CSMD1: variants seen among roughly 807,000 people sequenced by gnomAD.
The protein encoded by CSMD1 is CUB and Sushi multiple domains 1.
CSMD1 carries 213 observed loss-of-function variants against 417.5 expected under a neutral mutation model. The ratio of observed to expected loss-of-function variants is 0.51; its 90% CI spans 0.46 to 0.57. The LOEUF (loss-of-function observed/expected upper bound fraction) is 0.57, where lower values mean the gene tolerates loss of function less well. Among genes scored for constraint, CSMD1 ranks in the 20% least tolerant of loss-of-function variants. The probability of loss-of-function intolerance (pLI) is 0.00; values close to 1 mark genes in which losing one functional copy is unlikely to be tolerated. For missense variants in CSMD1, 6,923 were observed against 4,529.7 expected (o/e 1.53, Z -15.17); for synonymous variants, 2,862 against 1,736.8 (o/e 1.65, Z -16.11).
intron 1 of CSMD1, among the ~76,000 whole-genome samples, chr8:4,967,527 A>C (rs1809958681): frequency 6.6e-6 from 1 of 152,100 alleles, no homozygotes; most frequent in Non-Finnish European, 1.5e-5. Context: ...CCTATCTCTA[A>C]ATCTTAAGCC....
intron 22 of CSMD1, among the ~76,000 whole-genome samples, chr8:3,346,109 TA>T (rs1276506231): frequency 1.3e-5 from 2 of 152,246 alleles, no homozygotes; most frequent in Non-Finnish European, 2.9e-5. Flanking sequence ...TTAACAGAGA[TA>T]TTTTTTAGCA....
intron 1 of CSMD1, among the ~76,000 whole-genome samples, chr8:4,753,471 T>C (rs1811476438): frequency 6.6e-6 from 1 of 151,356 alleles, no homozygotes; most frequent in Non-Finnish European, 1.5e-5. Flanking sequence ...CTTTGTGTCT[T>C]ATGAATTTTC....
intron 3 of CSMD1, among the ~76,000 whole-genome samples, chr8:4,175,291 C>G (rs954639737): frequency 6.6e-6 from 1 of 152,108 alleles, no homozygotes; most frequent in South Asian, 2.1e-4. Context: ...GGGTCATATC[C>G]TTAGGACAGT....
At chr8:3,750,545 G>C (rs1213809536) in intron 6 of CSMD1, among the ~76,000 whole-genome samples, 1 of 151,764 alleles carries the variant, frequency 6.6e-6, no homozygotes, top group South Asian at 2.1e-4. Context: ...AATAATATCA[G>C]GCTTTCCTTC....
At chr8:3,779,076 A>C (rs1473286093) in intron 5 of CSMD1, among the ~76,000 whole-genome samples, 2 of 152,032 alleles carry the variant, frequency 1.3e-5, no homozygotes, top group African/African-American at 4.8e-5. Flanking sequence ...TCTCCTCTAA[A>C]TGGAATGTAG....
chr8:4,438,240 T>C (rs185778617), intron 2 of CSMD1, among the ~76,000 whole-genome samples: 1 of 152,312 alleles, frequency 6.6e-6, no homozygotes, highest in East Asian at 1.9e-4. Context: ...CCAAGCCGTC[T>C]TGTTTTTAGA....
rs1202905155 is a variant in CSMD1, at chr8:3,142,554, G to A, written c.6152C>T (p.Ala2051Val). 1.5e-5 allele frequency: 25 copies of A among 1,613,864 alleles called. No individual in the cohort carries two copies. The highest frequency in any genetic ancestry group is 1.9e-5 in the Non-Finnish European group (23 of 1,179,888). The change falls in exon 41 of 70, where the codon GCG becomes GTG. Residue 2051 changes from alanine to valine, a missense_variant. Transcript: ENST00000635120. ...TTCATGCGTTGTGCTCAGCAGGGCC[G>A]CGGGGAGATCCGTGCCGCTAAATTG... ...IGQFSGTDLP[A>V]ALLSTTHETL...
At chr8:4,136,226 A>C (rs1803424765) in intron 3 of CSMD1, among the ~76,000 whole-genome samples, 1 of 152,218 alleles carries the variant, frequency 6.6e-6, no homozygotes. Flanking sequence ...CATATATAGA[A>C]ATGAACTATT....
intron 3 of CSMD1, among the ~76,000 whole-genome samples, chr8:4,404,257 A>G (rs1804856993): frequency 6.6e-6 from 1 of 152,124 alleles, no homozygotes; most frequent in Admixed American, 6.5e-5. Context: ...GATAGGCTAT[A>G]TATTTATGTC....
At chr8:3,522,409 G>C (rs1357979770) in intron 10 of CSMD1, among the ~76,000 whole-genome samples, 2 of 152,142 alleles carry the variant, frequency 1.3e-5, no homozygotes, top group Admixed American at 6.5e-5. Context: ...TTTCGTGTGG[G>C]GGTTTTGTAT....
At chr8:3,259,369 A>G (rs909656820) in intron 26 of CSMD1, among the ~76,000 whole-genome samples, 1 of 152,210 alleles carries the variant, frequency 6.6e-6, no homozygotes, top group Non-Finnish European at 1.5e-5. Flanking sequence ...CTTAGCTCTC[A>G]GCATGGAGGC....
intron 3 of CSMD1, among the ~76,000 whole-genome samples, chr8:4,337,150 C>A (rs1800220325): frequency 6.6e-6 from 1 of 152,128 alleles, no homozygotes; most frequent in South Asian, 2.1e-4. Flanking sequence ...CCCCCACCTT[C>A]ATTACTACTC....
At chr8:4,091,182 G>T (rs560085946) in intron 3 of CSMD1, among the ~76,000 whole-genome samples, 1 of 152,090 alleles carries the variant, frequency 6.6e-6, no homozygotes, top group Admixed American at 6.5e-5. Context: ...GCCTCCCAAA[G>T]TGCTGGGATT....
chr8:4,027,296 T>G lies in CSMD1; in HGVS notation c.610+4609A>C, dbSNP rs1009705533. 5.9e-5 allele frequency among the ~76,000 whole-genome samples: 9 copies of G among 152,086 alleles called. No individual in the cohort carries two copies. In the South Asian group the frequency reaches 1.7e-3, roughly 28 times the overall value. On this transcript the variant is annotated intron_variant, in intron 4 of 69. Coordinates refer to ENST00000635120, the MANE Select transcript of CSMD1 (RefSeq NM_033225.6). ...AAGATGGATGTTAGGAGAGAGTGAG[T>G]CAGGAGTAGAAAGTAGGATGATGGT... is the stretch of plus-strand genomic sequence containing the variant.
intron 9 of CSMD1, among the ~76,000 whole-genome samples, chr8:3,582,886 C>G (rs1800442313): frequency 6.6e-6 from 1 of 152,128 alleles, no homozygotes; most frequent in East Asian, 1.9e-4. Flanking sequence ...AAACACATAC[C>G]TTTCCCAGTT....
At chr8:4,379,098 G>C (rs1235408881) in intron 3 of CSMD1, among the ~76,000 whole-genome samples, 1 of 152,140 alleles carries the variant, frequency 6.6e-6, no homozygotes, top group Admixed American at 6.6e-5. Flanking sequence ...ACCTTACCAA[G>C]TAATTAATGT....
rs151122055 is a variant in CSMD1 at position 3,816,128 on chromosome 8, C to T, written c.819-62086G>A. On this transcript the variant is annotated intron_variant, in intron 5 of 69. Transcript: ENST00000635120. Reference sequence around the variant, plus strand: ...GTCTCTATCTCATTAACACAACAATCGCAGGCTCAGTCTCAAAGAAAACAA... The same window carrying T: ...GTCTCTATCTCATTAACACAACAATTGCAGGCTCAGTCTCAAAGAAAACAA... 2.1e-3 allele frequency among the ~76,000 whole-genome samples: 319 copies of T among 152,286 alleles called. 2 individuals are homozygous for T. The highest frequency in any genetic ancestry group is 2.8e-3 in the Non-Finnish European group (192 of 68,030).
At chr8:3,742,249 C>T (rs1796843195) in intron 6 of CSMD1, among the ~76,000 whole-genome samples, 1 of 152,156 alleles carries the variant, frequency 6.6e-6, no homozygotes, top group Non-Finnish European at 1.5e-5. Flanking sequence ...CTCACCTAGA[C>T]ATTTTATTAC....
chr8:3,349,895 A>AT (rs1808287660), intron 21 of CSMD1, among the ~76,000 whole-genome samples: 1 of 92,618 alleles, frequency 1.1e-5, no homozygotes, highest in South Asian at 3.4e-4. Flanking sequence ...ATATATTTAT[A>AT]ATATATATTT....
Sources: gnomAD v4.1 joint callset for allele counts (sites outside exome capture counted in the v4.1 genomes callset) on GRCh38, gnomAD v4.1.1 for gene constraint, MANE v1.5 for transcripts, NCBI Gene and HGNC (gene_info 2026-07-23, HGNC 2026-07-21) for gene names.